Variants in EBPL observed in about 807,000 individuals in gnomAD.
The protein encoded by EBPL is emopamil-binding protein-like.
EBPL carries 20 observed loss-of-function variants against 19.0 expected under a neutral mutation model. The observed-to-expected ratio is 1.05, with a 90% CI of 0.74 to 1.53. EBPL has a LOEUF of 1.53. EBPL is among the 40% of genes most tolerant of loss of function. EBPL has a pLI of 0.00. For missense variants in EBPL, 219 were observed against 261.1 expected (o/e 0.84, Z 1.11); for synonymous variants, 107 against 117.0 (o/e 0.91, Z 0.55).
Position 49,685,829 on chromosome 13 carries a change from C to T in EBPL, c.171+5425G>A, listed in dbSNP as rs542584615. On this transcript the variant is annotated intron_variant, in intron 1 of 3. Coordinates refer to ENST00000242827, the MANE Select transcript of EBPL (RefSeq NM_032565.5). ...CAGAGGTTGCAGTGAGCCAAGATCA[C>T]GCTACTGCACTCCAGCCTGGGCGAG... 5.3e-5 allele frequency among the ~76,000 whole-genome samples: 8 copies of T among 151,078 alleles called. No individual in the cohort carries two copies. In the East Asian group the frequency reaches 9.7e-4, roughly 18 times the overall value.
rs560974775 is a variant in EBPL, at chr13:49,661,778, T to C, written c.381-570A>G. ...GAAAAATTTAATTTTTATTGCCAACTATCTCTCTAAAATTGGGTGGGGAAG... is the reference window on the plus strand; with the variant it reads ...GAAAAATTTAATTTTTATTGCCAACCATCTCTCTAAAATTGGGTGGGGAAG... On this transcript the variant is annotated intron_variant, in intron 3 of 3. Transcript: ENST00000242827. 4.9e-5 allele frequency: 74 copies of C among 1,509,418 alleles called. No individual in the cohort carries two copies. The South Asian group carries it at 9.1e-4, about 19-fold the overall frequency. 93.5% of individuals were successfully genotyped at this position (1,509,418 alleles called of 1,614,324 possible). A position where few individuals can be genotyped will look rare whatever the true frequency, so the allele number is the denominator to read the frequency against.
chr13:49,687,522 T>A (rs576914247), intron 1 of EBPL, among the ~76,000 whole-genome samples: 11 of 152,096 alleles, frequency 7.2e-5, no homozygotes, highest in African/African-American at 2.7e-4. Context: ...AATGTTTCTA[T>A]AATGAGCCTT....
At chr13:49,663,368 A>ACCAC (rs1169065829) in intron 2 of EBPL, among the ~76,000 whole-genome samples, 173 bp from the exon 3 acceptor site, 1 of 152,210 alleles carries the variant, frequency 6.6e-6, no homozygotes. Context: ...AAATGCGTTT[A>ACCAC]CCACCTGACA....
At chr13:49,690,659 T>C (rs568395624) in intron 1 of EBPL, among the ~76,000 whole-genome samples, 2 of 152,322 alleles carry the variant, frequency 1.3e-5, no homozygotes, top group South Asian at 4.1e-4. Context: ...CTCAGAATCA[T>C]GCCAGCTGTG....
chr13:49,687,673 C>T (rs531865892), intron 1 of EBPL, among the ~76,000 whole-genome samples: 2 of 152,182 alleles, frequency 1.3e-5, no homozygotes, highest in Non-Finnish European at 2.9e-5. Flanking sequence ...AGGCCACCAC[C>T]AGCTCACAAT....
Position 49,677,209 on chromosome 13 carries a change from C to T in EBPL, c.172-7363G>A, listed in dbSNP as rs117371109. Among the ~76,000 whole-genome samples, 1,248 of 152,264 alleles carry T rather than the reference C, an allele frequency of 8.2e-3. 8 individuals are homozygous for T. The highest frequency in any genetic ancestry group is 0.014 in the Non-Finnish European group (925 of 68,018). ...TTTTCTTCATGAAGTAGGTAATACA[C>T]CAGTAGCAACTCCCTGATTCTTCCC... On this transcript the variant is annotated intron_variant, in intron 1 of 3. Coordinates refer to ENST00000242827, the MANE Select transcript of EBPL (RefSeq NM_032565.5).
At chr13:49,690,433 A>C (rs997904388) in intron 1 of EBPL, among the ~76,000 whole-genome samples, 3 of 151,304 alleles carry the variant, frequency 2.0e-5, no homozygotes, top group East Asian at 1.9e-4. Context: ...AAAAAAAAAA[A>C]CAAACTGATA....
At chr13:49,688,054 T>A (rs1417924743) in intron 1 of EBPL, among the ~76,000 whole-genome samples, 1 of 152,212 alleles carries the variant, frequency 6.6e-6, no homozygotes, top group East Asian at 1.9e-4. Context: ...TACACAGGCA[T>A]TCATATCTTG....
chr13:49,677,303 C>T (rs1328762141), intron 1 of EBPL, among the ~76,000 whole-genome samples: 1 of 152,228 alleles, frequency 6.6e-6, no homozygotes, highest in African/African-American at 2.4e-5. Flanking sequence ...CTGCAGCCCA[C>T]GTCAATCCTG....
intron 3 of EBPL, 89 bp downstream of exon 3, chr13:49,662,968 T>A: frequency 6.6e-7 from 1 of 1,509,888 alleles, no homozygotes; most frequent in Non-Finnish European, 9.0e-7. Context: ...AACAAATATA[T>A]GTGGTCACAA....
chr13:49,669,730 A>G (rs767764483), intron 2 of EBPL, 47 bp downstream of exon 2: 6 of 1,549,414 alleles, frequency 3.9e-6, no homozygotes, highest in East Asian at 2.2e-5. Context: ...CACACTTGCA[A>G]TAAACCTCCT....
At chr13:49,688,939 G>T (rs1954030725) in intron 1 of EBPL, among the ~76,000 whole-genome samples, 1 of 152,148 alleles carries the variant, frequency 6.6e-6, no homozygotes, top group South Asian at 2.1e-4. Flanking sequence ...TCTCCCCACT[G>T]ATCTCTGAGA....
rs775464160 is a variant in EBPL, at chr13:49,669,799, G to A, written c.219C>T (p.Ser73=). Residue 73 remains serine, a synonymous_variant, in exon 2 of 4, where the codon TCC becomes TCT. Coordinates refer to ENST00000242827, the MANE Select transcript of EBPL (RefSeq NM_032565.5). ...YLSLVGNVAN[S]DGLIASLWKE... ...TACATAAAGAAGCAATCAAGCCATC[G>A]GAATTTGCAACGTTTCCTACTAAAG... The A allele has an allele frequency of 3.6e-5, 58 of 1,613,956 alleles. No individual in the cohort carries two copies. Among genetic ancestry groups the A allele is most frequent in the Middle Eastern group, 3.3e-4 (2 of 6,084 alleles).
intron 2 of EBPL, among the ~76,000 whole-genome samples, chr13:49,666,728 A>AAAAAC (rs1965234241): frequency 1.3e-5 from 2 of 150,680 alleles, no homozygotes; most frequent in South Asian, 4.3e-4. Context: ...AAAAAAAAAA[A>AAAAAC]AAAAAACAAA....
At chr13:49,678,061 C>T (rs1319473113) in intron 1 of EBPL, among the ~76,000 whole-genome samples, 49 of 152,304 alleles carry the variant, frequency 3.2e-4, no homozygotes, top group South Asian at 1.0e-3. Context: ...CTTGGGCAGC[C>T]TGCTTTTATT....
intron 1 of EBPL, among the ~76,000 whole-genome samples, chr13:49,670,417 G>A (rs1953799458): frequency 6.6e-6 from 1 of 152,202 alleles, no homozygotes; most frequent in African/African-American, 2.4e-5. Flanking sequence ...TCACTGAAGT[G>A]CTTCTTTGCC....
intron 1 of EBPL, among the ~76,000 whole-genome samples, chr13:49,683,486 A>G (rs61959936): frequency 0.65 from 97,919 of 151,718 alleles, 32,886 homozygotes; most frequent in East Asian, 0.76. Flanking sequence ...AGCCGATCGC[A>G]CCACTGCACT....
At chr13:49,678,498 G>A (rs1376206443) in intron 1 of EBPL, among the ~76,000 whole-genome samples, 2 of 152,216 alleles carry the variant, frequency 1.3e-5, no homozygotes, top group Non-Finnish European at 2.9e-5. Context: ...AGCGCAGCGC[G>A]GACGGGCCAG....
At chr13:49,666,734 A>C (rs887957252) in intron 2 of EBPL, among the ~76,000 whole-genome samples, 2 of 131,360 alleles carry the variant, frequency 1.5e-5, no homozygotes, top group Non-Finnish European at 3.3e-5. Context: ...AAAAAAAAAA[A>C]CAAAAATTAG....
Sources: allele counts gnomAD v4.1 joint callset (sites outside exome capture counted in the v4.1 genomes callset), GRCh38; gene constraint gnomAD v4.1.1; transcripts MANE v1.5; gene names NCBI Gene and HGNC (gene_info 2026-07-23, HGNC 2026-07-21).